PVALB: variants seen among roughly 807,000 people sequenced by gnomAD.
PVALB encodes the protein parvalbumin, also known as parvalbumin alpha.
Under a neutral mutation model 10.9 loss-of-function variants are expected in PVALB, and 11 were observed. The ratio of observed to expected loss-of-function variants is 1.01; its 90% CI spans 0.63 to 1.67. PVALB has a LOEUF of 1.67. PVALB is among the 40% of genes most tolerant of loss of function. PVALB has a pLI of 0.00. For synonymous variants in PVALB, 57 were observed against 50.7 expected (o/e 1.12, Z -0.53); for missense variants, 131 against 136.2 (o/e 0.96, Z 0.19).
At chr22:36,817,384 C>T, upstream of PVALB, 1 of 171,552 alleles carries the variant, frequency 5.8e-6, no homozygotes, top group Non-Finnish European at 1.2e-5. Context: ...AGGAGGTGCG[C>T]CGTCTCAGAT....
intron 3 of PVALB, among the ~76,000 whole-genome samples, chr22:36,812,764 G>A (rs1395162836): frequency 6.6e-6 from 1 of 152,342 alleles, no homozygotes; most frequent in Non-Finnish European, 1.5e-5. Context: ...TTAGTATGTT[G>A]CAAACACTCA....
chr22:36,808,039 C>T (rs924553562), intron 3 of PVALB, among the ~76,000 whole-genome samples: 1 of 152,144 alleles, frequency 6.6e-6, no homozygotes, highest in Non-Finnish European at 1.5e-5. Flanking sequence ...GATCCATCGC[C>T]GGGAATGGGT....
At chr22:36,801,632 T>C (rs1025640828) in intron 3 of PVALB, among the ~76,000 whole-genome samples, 1 of 152,146 alleles carries the variant, frequency 6.6e-6, no homozygotes, top group East Asian at 1.9e-4. Context: ...AAACCCTGTA[T>C]CTACTGAAAA....
At chr22:36,807,569 G>T (rs566852297) in intron 3 of PVALB, among the ~76,000 whole-genome samples, 1 of 152,086 alleles carries the variant, frequency 6.6e-6, no homozygotes, top group Non-Finnish European at 1.5e-5. Flanking sequence ...GGTGGCTTAC[G>T]AGCAAAACAT....
intron 3 of PVALB, among the ~76,000 whole-genome samples, chr22:36,808,532 C>T (rs1352922462): frequency 6.6e-6 from 1 of 152,144 alleles, no homozygotes; most frequent in Admixed American, 6.5e-5. Context: ...ACGGCATCTA[C>T]TTCCTAGGAT....
At chr22:36,812,574 T>G (rs1419999256) in intron 3 of PVALB, among the ~76,000 whole-genome samples, 2 of 152,248 alleles carry the variant, frequency 1.3e-5, no homozygotes, top group Non-Finnish European at 2.9e-5. Context: ...ATCATTCTAT[T>G]CAGTTCAGAG....
At chr22:36,815,306 A>G (rs2145954650) in intron 1 of PVALB, 71 bp from the exon 2 acceptor site, 2 of 1,581,662 alleles carry the variant, frequency 1.3e-6, no homozygotes, top group Non-Finnish European at 1.7e-6. Context: ...AATGGGGGGC[A>G]TCAAGGCATT....
intron 3 of PVALB, among the ~76,000 whole-genome samples, chr22:36,808,085 C>T (rs958108691): frequency 2.6e-5 from 4 of 152,202 alleles, no homozygotes; most frequent in Non-Finnish European, 5.9e-5. Flanking sequence ...CGTGCAGGCA[C>T]GTGTGCACAC....
intron 3 of PVALB, among the ~76,000 whole-genome samples, chr22:36,813,105 T>C (rs1478476583): frequency 1.3e-5 from 2 of 152,196 alleles, no homozygotes; most frequent in Non-Finnish European, 2.9e-5. Context: ...AATAGTATAT[T>C]TGAGTAAAAC....
At chr22:36,806,025 T>A (rs1938943631) in intron 3 of PVALB, among the ~76,000 whole-genome samples, 1 of 152,270 alleles carries the variant, frequency 6.6e-6, no homozygotes, top group African/African-American at 2.4e-5. Context: ...ATGGGGATAC[T>A]GGGACTATCT....
At chr22:36,808,237 T>C (rs1413123695) in intron 3 of PVALB, among the ~76,000 whole-genome samples, 1 of 152,100 alleles carries the variant, frequency 6.6e-6, no homozygotes, top group Non-Finnish European at 1.5e-5. Context: ...TGTAGAGCTG[T>C]TGGGAGGTTT....
At chr22:36,817,158 A>C, upstream of PVALB, 1 of 630,098 alleles carries the variant, frequency 1.6e-6, no homozygotes, top group Non-Finnish European at 2.4e-6. Context: ...CTCTGAGCGC[A>C]GCGGGAGCGG....
intron 1 of PVALB, 71 bp downstream of exon 1, chr22:36,816,874 G>T (rs1254019847): frequency 8.2e-6 from 11 of 1,342,108 alleles, no homozygotes; most frequent in Non-Finnish European, 1.1e-5. Flanking sequence ...CCGGCTGCGG[G>T]GCCGGCGGAG....
chr22:36,818,136 T>C (rs78361618), upstream of PVALB, among the ~76,000 whole-genome samples: 13,030 of 152,146 alleles, frequency 0.086, 606 homozygotes, highest in Non-Finnish European at 0.094. Flanking sequence ...TTCTAGATCC[T>C]GGGCTGCACT....
At chr22:36,802,998 T>C (rs1346018625) in intron 3 of PVALB, among the ~76,000 whole-genome samples, 1 of 152,152 alleles carries the variant, frequency 6.6e-6, no homozygotes, top group African/African-American at 2.4e-5. Flanking sequence ...GGTGGTTATT[T>C]TGAGATGTCT....
chr22:36,809,861 T>G (rs1427355926), intron 3 of PVALB, among the ~76,000 whole-genome samples: 1 of 151,324 alleles, frequency 6.6e-6, no homozygotes. Flanking sequence ...CCATGTTTTT[T>G]TTTTTTTTTT....
intron 3 of PVALB, among the ~76,000 whole-genome samples, chr22:36,804,216 G>A (rs1156579660): frequency 6.6e-6 from 1 of 152,152 alleles, no homozygotes; most frequent in African/African-American, 2.4e-5. Flanking sequence ...ATAGCCCGTT[G>A]GTCACCTTCA....
chr22:36,805,761 T>C (rs968644642), intron 3 of PVALB, among the ~76,000 whole-genome samples: 4 of 151,962 alleles, frequency 2.6e-5, no homozygotes, highest in Non-Finnish European at 5.9e-5. Context: ...TTATAAGTGT[T>C]AGTTCCGCCT....
At chr22:36,816,735 C>T (rs997233338) in intron 1 of PVALB, among the ~76,000 whole-genome samples, 8 of 152,200 alleles carry the variant, frequency 5.3e-5, no homozygotes, top group Admixed American at 4.6e-4. Context: ...GCGGGGCGCC[C>T]TCTTCCCCGC....
Sources: allele counts gnomAD v4.1 joint callset (sites outside exome capture counted in the v4.1 genomes callset), GRCh38; gene constraint gnomAD v4.1.1; transcripts MANE v1.5; gene names NCBI Gene and HGNC (gene_info 2026-07-23, HGNC 2026-07-21).